SPEF2: variants seen among roughly 807,000 people sequenced by gnomAD.
SPEF2 encodes the protein sperm flagella and cilia-associated protein 2.
A neutral mutation model predicts 224.6 loss-of-function variants in SPEF2; 187 were observed. That is an observed-to-expected ratio of 0.83 (90% CI 0.74 to 0.94). The LOEUF is 0.94. Ranked by LOEUF, SPEF2 falls within the 40% of genes least tolerant of loss-of-function variation. The pLI is 0.00. For missense variants in SPEF2, 2,170 were observed against 2,135.6 expected, an observed-to-expected ratio of 1.02 and a Z score of -0.32; for synonymous variants, 715 against 707.3, an observed-to-expected ratio of 1.01 and a Z score of -0.17.
In SPEF2 at chr5:35,771,671, C is replaced by T. The variant is rs200436477; in HGVS notation, c.3864C>T (p.Pro1288=). The part of the protein sequence containing the change: ...EEEKENQPAD[P]KEKSPQMGAN... The stretch of plus-strand genomic sequence containing the variant: ...AAAAAGAAAACCAGCCAGCAGACCC[C>T]AAAGAAAAATCTCCTCAGATGGGTG... Residue 1288 remains proline (P), a synonymous_variant, in exon 27 of 37, where the codon CCC becomes CCT. Transcript: ENST00000356031. The T allele has an allele frequency of 1.7e-3, 2,659 of 1,611,094 alleles. 5 individuals are homozygous for T. The highest frequency in any genetic ancestry group is 2.0e-3 in the Non-Finnish European group (2,309 of 1,179,040).
At chr5:35,653,289 A>T (rs189913003) in intron 6 of SPEF2, among the ~76,000 whole-genome samples, 4 of 152,348 alleles carry the variant, frequency 2.6e-5, no homozygotes, top group Admixed American at 6.5e-5. Context: ...GGGCATGAGC[A>T]AGAAGCCAGT....
At chr5:35,765,392 A>G (rs767105059) in intron 26 of SPEF2, among the ~76,000 whole-genome samples, 40 of 152,186 alleles carry the variant, frequency 2.6e-4, no homozygotes, top group Non-Finnish European at 4.9e-4. Context: ...TACTGCTGCT[A>G]TGAATGCTTG....
At chr5:35,722,636 TC>T (rs1326097785) in intron 20 of SPEF2, among the ~76,000 whole-genome samples, 1 of 47,342 alleles carries the variant, frequency 2.1e-5, no homozygotes, top group African/African-American at 8.8e-5. Context: ...CCCTCCCCCC[TC>T]CCCCCACCCC....
At chr5:35,806,976 A>G (rs775302975) in intron 35 of SPEF2, 24 bp downstream of exon 35, 2 of 1,582,226 alleles carry the variant, frequency 1.3e-6, no homozygotes, top group South Asian at 1.2e-5. Flanking sequence ...TTTTGAAAAA[A>G]GTTGGCCTCA....
At chr5:35,632,522 T>G (rs1318561658) in intron 2 of SPEF2, among the ~76,000 whole-genome samples, 1 of 152,252 alleles carries the variant, frequency 6.6e-6, no homozygotes, top group Non-Finnish European at 1.5e-5. Context: ...CAGTTCAAGA[T>G]GAGATTTGGG....
rs73086239 is a variant in SPEF2, at chr5:35,744,562, G to A, written c.3330+4295G>A. Reference sequence around the variant, plus strand: ...CTTGCAAAGGTTTCACACTGAGTCCGTGGGAGAAAAAGAACTAGAATCAAG... The same window carrying A: ...CTTGCAAAGGTTTCACACTGAGTCCATGGGAGAAAAAGAACTAGAATCAAG... On this transcript the variant is annotated intron_variant, in intron 23 of 36. Transcript: ENST00000356031. Among the ~76,000 whole-genome samples the A allele has an allele frequency of 2.0e-3, 302 of 152,252 alleles. 2 individuals carry two copies. The highest frequency in any genetic ancestry group is 7.1e-3 in the African/African-American group (295 of 41,548).
At chr5:35,681,972 A>C (rs1377033304) in intron 10 of SPEF2, among the ~76,000 whole-genome samples, 17 of 152,190 alleles carry the variant, frequency 1.1e-4, no homozygotes, top group Admixed American at 9.8e-4. Context: ...GATGAACATA[A>C]ATTCAAATTT....
chr5:35,640,728 T>G (rs1746517872), intron 2 of SPEF2, among the ~76,000 whole-genome samples: 1 of 152,176 alleles, frequency 6.6e-6, no homozygotes, highest in Non-Finnish European at 1.5e-5. Context: ...TAAATATATC[T>G]TGCTAAATAT....
intron 8 of SPEF2, among the ~76,000 whole-genome samples, chr5:35,665,718 C>A (rs1270553860): frequency 6.6e-6 from 1 of 152,082 alleles, no homozygotes; most frequent in Non-Finnish European, 1.5e-5. Context: ...GAATTCTTCA[C>A]TTCATGAATC....
At chr5:35,742,525 C>A (rs758399137) in intron 23 of SPEF2, among the ~76,000 whole-genome samples, 1 of 151,708 alleles carries the variant, frequency 6.6e-6, no homozygotes, top group Non-Finnish European at 1.5e-5. Flanking sequence ...AGATTTATAT[C>A]AAATATTAGA....
chr5:35,754,725 C>T lies in SPEF2; in HGVS notation c.3468+964C>T, dbSNP rs936768505. Among the ~76,000 whole-genome samples, 8 of 152,214 alleles carry T rather than the reference C, an allele frequency of 5.3e-5. 2 individuals carry two copies. Among genetic ancestry groups the T allele is most frequent in the East Asian group, 1.9e-4 (1 of 5,170 alleles). ...CGTTTTCTTAAAGCAAATGCCCTAA[C>T]AAAAGGGAGGTGGGCCCTAGAGTCA... On this transcript the variant is annotated intron_variant, in intron 24 of 36. Coordinates refer to ENST00000356031, the MANE Select transcript of SPEF2 (RefSeq NM_024867.4).
chr5:35,802,427 G>A (rs376051087), intron 34 of SPEF2, among the ~76,000 whole-genome samples: 8 of 152,236 alleles, frequency 5.3e-5, no homozygotes, highest in African/African-American at 1.9e-4. Flanking sequence ...CGATTCGGGG[G>A]TATGGCAGTG....
chr5:35,797,035 A>C (rs1328340354), intron 33 of SPEF2, among the ~76,000 whole-genome samples: 1 of 152,210 alleles, frequency 6.6e-6, no homozygotes, highest in African/African-American at 2.4e-5. Flanking sequence ...CAACATAAAC[A>C]GGTTCTTCAT....
intron 33 of SPEF2, among the ~76,000 whole-genome samples, chr5:35,796,190 G>T (rs189231807): frequency 9.9e-4 from 151 of 152,318 alleles, no homozygotes; most frequent in Admixed American, 7.8e-3. Context: ...AATACAGCAA[G>T]GGTTTGCCTA....
At chr5:35,764,370 T>C (rs899497482) in intron 26 of SPEF2, among the ~76,000 whole-genome samples, 2 of 151,902 alleles carry the variant, frequency 1.3e-5, no homozygotes, top group Non-Finnish European at 2.9e-5. Context: ...AATATCCAAA[T>C]GAAATTTGAA....
chr5:35,799,394 G>T (rs143725476), intron 33 of SPEF2, among the ~76,000 whole-genome samples: 1,562 of 152,312 alleles, frequency 0.01, 29 homozygotes, highest in African/African-American at 0.036. Flanking sequence ...GGCATTCAGA[G>T]TGAGAAAATT....
At chr5:35,729,540 A>G (rs6451212) in intron 21 of SPEF2, among the ~76,000 whole-genome samples, 139,194 of 152,250 alleles carry the variant, frequency 0.91, 63,801 homozygotes, top group South Asian at 0.99. Context: ...AAGATGTGCA[A>G]CACAGACCTC....
intron 1 of SPEF2, among the ~76,000 whole-genome samples, chr5:35,626,983 TAGTC>T (rs1313615807): frequency 6.6e-6 from 1 of 152,106 alleles, no homozygotes; most frequent in African/African-American, 2.4e-5. Context: ...ACCTCATTAT[TAGTC>T]AGACAGGTAA....
chr5:35,712,015 C>G (rs951285209), intron 19 of SPEF2, among the ~76,000 whole-genome samples: 5 of 152,004 alleles, frequency 3.3e-5, no homozygotes, highest in Admixed American at 1.3e-4. Flanking sequence ...ATCTCCAGAT[C>G]ATCAGTTTTC....
Sources: allele counts gnomAD v4.1 joint callset (sites outside exome capture counted in the v4.1 genomes callset), GRCh38; gene constraint gnomAD v4.1.1; transcripts MANE v1.5; gene names NCBI Gene and HGNC (gene_info 2026-07-23, HGNC 2026-07-21).